Variants in LMNB1 observed in about 807,000 individuals in gnomAD.
LMNB1 encodes lamin B1.
A neutral mutation model predicts 67.1 loss-of-function variants in LMNB1; 23 were observed. The ratio of observed to expected loss-of-function variants is 0.34; its 90% CI spans 0.25 to 0.49. The LOEUF (loss-of-function observed/expected upper bound fraction) is 0.49, where lower values mean the gene tolerates loss of function less well. LMNB1 is among the 20% of genes least tolerant of loss of function. The pLI is 0.99. For missense variants in LMNB1, 634 were observed against 746.5 expected (o/e 0.85, Z 1.76); for synonymous variants, 281 against 282.9 (o/e 0.99, Z 0.07).
intron 4 of LMNB1, among the ~76,000 whole-genome samples, chr5:126,811,348 G>A (rs1303721393): frequency 2.0e-5 from 3 of 152,156 alleles, no homozygotes; most frequent in Admixed American, 6.5e-5. Context: ...TGGTTTGAAC[G>A]AATCTATAAA....
intron 1 of LMNB1, among the ~76,000 whole-genome samples, chr5:126,795,993 T>C (rs1414341164): frequency 3.2e-5 from 4 of 125,636 alleles, no homozygotes; most frequent in Non-Finnish European, 4.8e-5. Flanking sequence ...AGTGCAATGG[T>C]GCGATCTTGG....
chr5:126,800,977 A>AATTT (rs1481273764), intron 1 of LMNB1, among the ~76,000 whole-genome samples: 3 of 38,272 alleles, frequency 7.8e-5, no homozygotes, highest in African/African-American at 1.5e-4. Context: ...ATATATATAT[A>AATTT]TATAATTTTT....
chr5:126,827,997 C>T (rs1408811580), intron 9 of LMNB1, among the ~76,000 whole-genome samples: 10 of 152,168 alleles, frequency 6.6e-5, no homozygotes, highest in Non-Finnish European at 1.5e-4. Context: ...TGGTATCATG[C>T]TTGGCACATA....
chr5:126,825,432 C>G (rs1422266162), intron 8 of LMNB1, among the ~76,000 whole-genome samples: 1 of 152,116 alleles, frequency 6.6e-6, no homozygotes, highest in Non-Finnish European at 1.5e-5. Context: ...TGGAGACGTA[C>G]CAGTTTCCAT....
intron 1 of LMNB1, among the ~76,000 whole-genome samples, chr5:126,783,674 GT>G (rs1320140431): frequency 2.6e-5 from 4 of 152,180 alleles, no homozygotes; most frequent in African/African-American, 9.7e-5. Flanking sequence ...ATTCAAGGAA[GT>G]AAACAGGCAG....
chr5:126,781,562 A>G (rs1274801847), intron 1 of LMNB1, among the ~76,000 whole-genome samples: 1 of 151,460 alleles, frequency 6.6e-6, no homozygotes, highest in Non-Finnish European at 1.5e-5. Context: ...CCAGCCTCCC[A>G]AGTAGCTGGG....
At position 126,811,873 on chromosome 5, in the gene LMNB1, C is replaced by T. The variant is rs1751586238; in HGVS notation, c.914C>T (p.Ser305Phe). The change falls in exon 5 of 11, where the codon TCC (serine) becomes TTC (phenylalanine). Residue 305 changes from serine (S) to phenylalanine (F), a missense_variant. Ser to Phe is a radical substitution (Grantham distance 155). Coordinates refer to ENST00000261366, the MANE Select transcript of LMNB1 (RefSeq NM_005573.4). ...CGCATGAGAATTGAGAGCCTTTCAT[C>T]CCAGCTTTCTAATCTACAGAAAGAG... ...ESRMRIESLS[S>F]QLSNLQKESR... 6.2e-7 allele frequency: 1 copy of T among 1,612,706 alleles called. No individual in the cohort carries two copies. Among genetic ancestry groups the T allele is most frequent in the East Asian group, 2.2e-5 (1 of 44,850 alleles).
At chr5:126,819,961 A>G (rs1413601410) in intron 6 of LMNB1, among the ~76,000 whole-genome samples, 1 of 151,988 alleles carries the variant, frequency 6.6e-6, no homozygotes, top group Non-Finnish European at 1.5e-5. Context: ...CCTGGTCAAC[A>G]TGGTGAAACT....
rs1751802316 is a variant in LMNB1, at chr5:126,819,290, A to C, written c.1160+148A>C. On this transcript the variant is annotated intron_variant, in intron 6 of 10. Transcript: ENST00000261366. ...CTAGGTATAGAAGTAGTAATAGATC[A>C]TATTTCTACCTCATCGCAGAAAATG... 1.2e-5 allele frequency: 7 copies of C among 577,444 alleles called. No individual in the cohort carries two copies. In the East Asian group the frequency reaches 1.4e-4, roughly 12 times the overall value. The allele number at this position is 577,444 out of a possible 1,614,324, so 35.8% of individuals were successfully genotyped here.
intron 1 of LMNB1, among the ~76,000 whole-genome samples, chr5:126,802,927 G>A (rs932548180): frequency 6.6e-6 from 1 of 152,092 alleles, no homozygotes; most frequent in African/African-American, 2.4e-5. Flanking sequence ...GCTCATGCCT[G>A]TAATCCCAGC....
intron 3 of LMNB1, among the ~76,000 whole-genome samples, chr5:126,807,853 G>A (rs994777877): frequency 4.1e-5 from 6 of 145,348 alleles, no homozygotes; most frequent in African/African-American, 1.5e-4. Context: ...GTCCTCTTCA[G>A]TTTTGTTTTT....
At chr5:126,831,572 A>C (rs1159595545) in intron 9 of LMNB1, among the ~76,000 whole-genome samples, 2 of 152,188 alleles carry the variant, frequency 1.3e-5, no homozygotes, top group Admixed American at 1.3e-4. Context: ...TTCATTCAAG[A>C]GGTATCAGTT....
At chr5:126,800,362 A>G (rs1021295344) in intron 1 of LMNB1, among the ~76,000 whole-genome samples, 2 of 152,146 alleles carry the variant, frequency 1.3e-5, no homozygotes, top group African/African-American at 4.8e-5. Flanking sequence ...AGCATTACAG[A>G]GGAAGGATGA....
chr5:126,800,569 T>G (rs1293652568), intron 1 of LMNB1, among the ~76,000 whole-genome samples: 3 of 150,782 alleles, frequency 2.0e-5, no homozygotes, highest in African/African-American at 7.3e-5. Flanking sequence ...GGTCAGAAGT[T>G]TTCAAACTGT....
At chr5:126,815,296 A>C (rs1751680995) in intron 5 of LMNB1, 1 of 152,172 alleles carries the variant, frequency 6.6e-6, no homozygotes, top group East Asian at 1.9e-4. Flanking sequence ...ATGGCTTTAA[A>C]ATACTGGTTT....
At chr5:126,790,016 C>G (rs1750911085) in intron 1 of LMNB1, among the ~76,000 whole-genome samples, 1 of 151,826 alleles carries the variant, frequency 6.6e-6, no homozygotes, top group Non-Finnish European at 1.5e-5. Flanking sequence ...TCATGTTAGG[C>G]TGGTCTTGAA....
intron 7 of LMNB1, among the ~76,000 whole-genome samples, chr5:126,821,783 G>GA (rs1357989056): frequency 2.0e-5 from 3 of 152,206 alleles, no homozygotes; most frequent in Non-Finnish European, 2.9e-5. Flanking sequence ...GATGATACTA[G>GA]AGGAAGGCAT....
At position 126,821,054 on chromosome 5, in the gene LMNB1, C is replaced by T. The variant is rs752367955; in HGVS notation, c.1305C>T (p.Ser435=). ...GTAGTAGTGTTAGCATCTCTCATTCCGCCTCAGCCACTGGAAATGTTTGCA... is the reference window on the plus strand; with the variant it reads ...GTAGTAGTGTTAGCATCTCTCATTCTGCCTCAGCCACTGGAAATGTTTGCA... The part of the protein sequence containing the change: ...EASSSVSISH[S]ASATGNVCIE... Residue 435 remains serine (S), a synonymous_variant, in exon 7 of 11, where the codon TCC becomes TCT. Transcript: ENST00000261366. 16 of 1,613,756 alleles carry T rather than the reference C, an allele frequency of 9.9e-6. No individual in the cohort carries two copies. Among genetic ancestry groups the T allele is most frequent in the South Asian group, 8.8e-5 (8 of 91,074 alleles).
At chr5:126,787,707 C>T (rs555939085) in intron 1 of LMNB1, among the ~76,000 whole-genome samples, 3 of 151,284 alleles carry the variant, frequency 2.0e-5, no homozygotes, top group African/African-American at 7.3e-5. Flanking sequence ...CCTGCCACCA[C>T]ACTCGGCTAA....
Sources: allele counts gnomAD v4.1 joint callset (sites outside exome capture counted in the v4.1 genomes callset), GRCh38; gene constraint gnomAD v4.1.1; transcripts MANE v1.5; gene names NCBI Gene and HGNC (gene_info 2026-07-23, HGNC 2026-07-21).